TRDN: variants seen among roughly 807,000 people sequenced by gnomAD.
TRDN encodes triadin in skeletal muscle.
In TRDN, 161 loss-of-function variants were observed where a neutral mutation model predicts 149.7. The ratio of observed to expected loss-of-function variants is 1.08; its 90% CI spans 0.95 to 1.23. The LOEUF is 1.23. Ranked by LOEUF, TRDN falls within the 50% of genes most tolerant of loss-of-function variation. The pLI is 0.00. For synonymous variants in TRDN, 294 were observed against 250.5 expected (o/e 1.17, Z -1.64); for missense variants, 896 against 823.5 (o/e 1.09, Z -1.08).
chr6:123,418,213 C>A (rs867718767), intron 12 of TRDN, among the ~76,000 whole-genome samples: 2 of 152,070 alleles, frequency 1.3e-5, no homozygotes. Context: ...GGTGGATGTT[C>A]GCACTGTTGC....
chr6:123,604,511 A>C (rs566011469), intron 1 of TRDN, among the ~76,000 whole-genome samples: 1 of 152,314 alleles, frequency 6.6e-6, no homozygotes, highest in East Asian at 1.9e-4. Flanking sequence ...TTACAGAAGG[A>C]TCTTAATCAT....
chr6:123,446,584 CAAAAAAAAAAA>C (rs572029827), intron 10 of TRDN, among the ~76,000 whole-genome samples: 2 of 61,090 alleles, frequency 3.3e-5, no homozygotes, highest in African/African-American at 6.0e-5. Flanking sequence ...GATTCCATCT[CAAAAAAAAAAA>C]AAAAAAAAAA....
chr6:123,484,654 A>C (rs1023313238), intron 9 of TRDN, among the ~76,000 whole-genome samples: 2 of 152,166 alleles, frequency 1.3e-5, no homozygotes, highest in African/African-American at 4.8e-5. Flanking sequence ...CAGCAAGTCC[A>C]TGCCATTAAT....
rs906712356 is a variant in TRDN at position 123,499,118 on chromosome 6, T to A, written c.794-1866A>T. ...TCCTTTTTCCCAAAATAATTACTCT[T>A]AGAGGCACTATAGACTCCCATGACA... is the stretch of plus-strand genomic sequence containing the variant. On this transcript the variant is annotated intron_variant, in intron 8 of 40. Coordinates refer to ENST00000334268, the MANE Select transcript of TRDN (RefSeq NM_006073.4). Among the ~76,000 whole-genome samples the A allele has an allele frequency of 6.6e-5, 10 of 152,324 alleles. No individual in the cohort carries two copies. In the East Asian group the frequency reaches 1.9e-3, roughly 29 times the overall value.
At chr6:123,432,433 CA>C (rs35511361) in intron 12 of TRDN, among the ~76,000 whole-genome samples, 22,180 of 144,034 alleles carry the variant, frequency 0.15, 2,027 homozygotes, top group African/African-American at 0.27. Flanking sequence ...GTATTATCTC[CA>C]AAAAAAAAAA....
At chr6:123,306,927 G>A (rs1778632909) in intron 24 of TRDN, among the ~76,000 whole-genome samples, 1 of 151,848 alleles carries the variant, frequency 6.6e-6, no homozygotes, top group African/African-American at 2.4e-5. Context: ...CCAACAATAT[G>A]CTATGCTAAA....
At chr6:123,532,787 C>T (rs1369526441) in intron 4 of TRDN, among the ~76,000 whole-genome samples, 1 of 151,320 alleles carries the variant, frequency 6.6e-6, no homozygotes, top group Non-Finnish European at 1.5e-5. Context: ...TTAAATGTGG[C>T]TACTAGAAAA....
chr6:123,271,642 A>T (rs1777209747), intron 29 of TRDN, among the ~76,000 whole-genome samples: 1 of 152,030 alleles, frequency 6.6e-6, no homozygotes, highest in Admixed American at 6.6e-5. Flanking sequence ...GGAAGAACAA[A>T]GTTGATGCCT....
At chr6:123,441,181 A>T (rs1774860072) in intron 10 of TRDN, 1 of 152,204 alleles carries the variant, frequency 6.6e-6, no homozygotes, top group African/African-American at 2.4e-5. Context: ...TTTCACTTAT[A>T]AAAACATAAC....
chr6:123,276,929 A>G (rs1284122253), intron 26 of TRDN, among the ~76,000 whole-genome samples: 1 of 152,144 alleles, frequency 6.6e-6, no homozygotes, highest in Non-Finnish European at 1.5e-5. Flanking sequence ...ACACTGAGCT[A>G]AGAGGACAGG....
At chr6:123,620,632 G>A (rs1785335220) in intron 1 of TRDN, among the ~76,000 whole-genome samples, 1 of 152,068 alleles carries the variant, frequency 6.6e-6, no homozygotes, top group African/African-American at 2.4e-5. Context: ...CTGAGGCAGA[G>A]TTAGGCTTTC....
At chr6:123,473,263 C>T (rs983262610) in intron 9 of TRDN, among the ~76,000 whole-genome samples, 8 of 152,082 alleles carry the variant, frequency 5.3e-5, no homozygotes, top group African/African-American at 1.2e-4. Flanking sequence ...GCTGATGGAG[C>T]TGAAAACCAA....
chr6:123,217,181 C>T lies in TRDN; in HGVS notation c.*1420G>A, dbSNP rs1774995513. On this transcript the variant is annotated 3_prime_UTR_variant, in exon 41 of 41. Transcript: ENST00000334268. ...TTTTGGCAGAGACCAACTTCTTTCA[C>T]AAAAGTCTCCAAAAATGCATTATTA... The T allele has an allele frequency of 6.6e-6, 1 of 151,874 alleles. No homozygotes were observed. Among genetic ancestry groups the T allele is most frequent in the Non-Finnish European group, 1.5e-5 (1 of 67,930 alleles). 9.4% of individuals were successfully genotyped at this position (151,874 alleles called of 1,614,324 possible). A position where few individuals can be genotyped will look rare whatever the true frequency, so the allele number is the denominator to read the frequency against.
chr6:123,467,732 T>C (rs1421824137), intron 9 of TRDN, among the ~76,000 whole-genome samples: 1 of 152,160 alleles, frequency 6.6e-6, no homozygotes, highest in Non-Finnish European at 1.5e-5. Context: ...CAGAGAATCT[T>C]ATTGAAATCA....
At chr6:123,273,040 T>C in intron 28 of TRDN, 29 bp from the exon 29 acceptor site, 1 of 1,428,802 alleles carries the variant, frequency 7.0e-7, no homozygotes, top group African/African-American at 1.5e-5. Flanking sequence ...AAATCTTTTT[T>C]AGGTATTTAG....
chr6:123,421,216 C>T (rs1399302378), intron 12 of TRDN, among the ~76,000 whole-genome samples: 3 of 152,184 alleles, frequency 2.0e-5, no homozygotes, highest in Non-Finnish European at 4.4e-5. Context: ...CAATCTGCCA[C>T]GTTGGATTAG....
At chr6:123,491,717 A>T (rs1467113359) in intron 9 of TRDN, among the ~76,000 whole-genome samples, 1 of 152,208 alleles carries the variant, frequency 6.6e-6, no homozygotes, top group Non-Finnish European at 1.5e-5. Flanking sequence ...GCTTGCTGAG[A>T]GGATTCAACA....
At chr6:123,416,606 C>A (rs183389298) in intron 12 of TRDN, among the ~76,000 whole-genome samples, 6 of 152,280 alleles carry the variant, frequency 3.9e-5, no homozygotes, top group Admixed American at 2.6e-4. Context: ...GGATATCATA[C>A]TACATGCCCT....
intron 1 of TRDN, 75 bp from the exon 2 acceptor site, chr6:123,571,207 T>C (rs537910508): frequency 4.2e-5 from 62 of 1,489,814 alleles, no homozygotes; most frequent in Non-Finnish European, 5.3e-5. Context: ...ACACTGACTA[T>C]ATGAGTGCTG....
Sources: allele counts gnomAD v4.1 joint callset (sites outside exome capture counted in the v4.1 genomes callset), GRCh38; gene constraint gnomAD v4.1.1; transcripts MANE v1.5; gene names NCBI Gene and HGNC (gene_info 2026-07-23, HGNC 2026-07-21).